The following RIOX2 variants were observed in gnomAD, a reference collection of about 807,000 sequenced individuals.
RIOX2 encodes ribosomal oxygenase 2.
RIOX2 carries 43 observed loss-of-function variants against 51.2 expected under a neutral mutation model. The observed-to-expected ratio is 0.84, with a 90% CI of 0.66 to 1.08. The LOEUF (loss-of-function observed/expected upper bound fraction) is 1.08. RIOX2 is among the 50% of genes least tolerant of loss of function. RIOX2 has a pLI of 0.00. For missense variants in RIOX2, 566 were observed against 561.7 expected, an observed-to-expected ratio of 1.01 and a Z score of -0.08; for synonymous variants, 226 against 218.5, an observed-to-expected ratio of 1.03 and a Z score of -0.30.
At chr3:97,962,231 G>C (rs566257393) in intron 2 of RIOX2, among the ~76,000 whole-genome samples, 6 of 152,058 alleles carry the variant, frequency 3.9e-5, no homozygotes, top group African/African-American at 1.4e-4. Context: ...AATACTCTTG[G>C]GTTTTTGACT....
chr3:97,957,377 T>A (rs113570907), intron 4 of RIOX2, among the ~76,000 whole-genome samples: 59 of 151,704 alleles, frequency 3.9e-4, no homozygotes, highest in African/African-American at 1.4e-3. Context: ...GCAGCTGTAA[T>A]CCCAGCTACT....
intron 5 of RIOX2, chr3:97,952,242 C>T (rs993168019): frequency 7.8e-7 from 1 of 1,289,616 alleles, no homozygotes; most frequent in Admixed American, 2.3e-5. Context: ...CTCATTCTAG[C>T]TCCAGCATCA....
rs569164328 is a variant in RIOX2 at position 97,957,803 on chromosome 3, A to G, written c.681+1248T>C. 2.0e-3 allele frequency among the ~76,000 whole-genome samples: 310 copies of G among 152,342 alleles called. 2 individuals are homozygous for G. The highest frequency in any genetic ancestry group is 3.4e-3 in the Middle Eastern group (1 of 294). Reference sequence around the variant, plus strand: ...TAACCAACCGTGAATCTATGTAAACATGATGCAACAAAGCTGGCAACCTCT... The same window carrying G: ...TAACCAACCGTGAATCTATGTAAACGTGATGCAACAAAGCTGGCAACCTCT... On this transcript the variant is annotated intron_variant, in intron 4 of 9. Transcript: ENST00000394198.
chr3:97,946,686 T>C (rs961235415), intron 8 of RIOX2, among the ~76,000 whole-genome samples: 1 of 150,664 alleles, frequency 6.6e-6, no homozygotes, highest in Non-Finnish European at 1.5e-5. Flanking sequence ...ACATGTTGAG[T>C]GCCCCTCTCA....
intron 5 of RIOX2, chr3:97,952,020 TC>T (rs1032548164): frequency 1.3e-5 from 6 of 475,194 alleles, no homozygotes; most frequent in Non-Finnish European, 2.0e-5. Flanking sequence ...TATTGGGACT[TC>T]CCACAATTTA....
chr3:97,960,688 C>T (rs1328571230), intron 3 of RIOX2, among the ~76,000 whole-genome samples: 2 of 152,184 alleles, frequency 1.3e-5, no homozygotes, highest in African/African-American at 2.4e-5. Flanking sequence ...AATCGTGAAT[C>T]CTGACACTGG....
Position 97,942,908 on chromosome 3 carries a change from G to A in RIOX2, c.*2276C>T, listed in dbSNP as rs1484760793. The A allele has an allele frequency of 1.1e-5, 3 of 278,506 alleles. No homozygotes were observed. Among genetic ancestry groups the A allele is most frequent in the South Asian group, 6.4e-5 (1 of 15,570 alleles). 17.3% of individuals were successfully genotyped at this position (278,506 alleles called of 1,614,324 possible). On this transcript the variant is annotated 3_prime_UTR_variant, in exon 10 of 10. Coordinates refer to ENST00000394198, the MANE Select transcript of RIOX2 (RefSeq NM_153182.4). ...TTGGGTTAGTCACAGTTTTGTTGGT[G>A]TAGAAACAAAAACACAGTACCTGAC...
chr3:97,942,395 G>A lies in RIOX2; in HGVS notation c.*2789C>T, dbSNP rs1192526968. On this transcript the variant is annotated 3_prime_UTR_variant, in exon 10 of 10. Transcript: ENST00000394198. ...GCAGAAGTGGAGACTGAATAAAAAT[G>A]GAACTATCAGCTCTTATCTCAGTGA... is the stretch of plus-strand genomic sequence containing the variant. 4 of 1,611,558 alleles carry A rather than the reference G, an allele frequency of 2.5e-6. No individual in the cohort carries two copies. In the African/African-American group the frequency reaches 5.4e-5, roughly 22 times the overall value.
intron 8 of RIOX2, 65 bp from the exon 9 acceptor site, chr3:97,945,952 A>C: frequency 5.9e-6 from 7 of 1,179,052 alleles, no homozygotes; most frequent in Non-Finnish European, 8.7e-6. Flanking sequence ...CAGTACTAGG[A>C]AGGTTTTCCA....
chr3:97,952,016 G>A (rs999856505), intron 5 of RIOX2: 2 of 466,266 alleles, frequency 4.3e-6, no homozygotes, highest in Admixed American at 4.8e-5. Flanking sequence ...TAGATATTGG[G>A]ACTTCCCACA....
intron 3 of RIOX2, 151 bp from the exon 4 acceptor site, chr3:97,959,330 T>TC (rs1705582991): frequency 2.5e-4 from 177 of 707,802 alleles, no homozygotes; most frequent in Non-Finnish European, 3.2e-4. Flanking sequence ...TTTTTTTTTT[T>TC]AGTTGTTATA....
chr3:97,971,586 A>G (rs1437887773), intron 1 of RIOX2: 1 of 152,260 alleles, frequency 6.6e-6, no homozygotes, highest in Non-Finnish European at 1.5e-5. Flanking sequence ...GAAACGGACT[A>G]TACCTCAATG....
At chr3:97,955,706 G>A (rs952580685) in intron 4 of RIOX2, among the ~76,000 whole-genome samples, 3 of 152,052 alleles carry the variant, frequency 2.0e-5, no homozygotes, top group African/African-American at 4.8e-5. Flanking sequence ...AGACTCTCAG[G>A]TATACAGTCA....
intron 2 of RIOX2, among the ~76,000 whole-genome samples, chr3:97,964,584 T>G (rs1361540692): frequency 2.7e-5 from 4 of 149,968 alleles, no homozygotes; most frequent in African/African-American, 9.8e-5. Context: ...TAATCCCAGC[T>G]ACTCAGGAGG....
intron 3 of RIOX2, among the ~76,000 whole-genome samples, chr3:97,959,928 A>G (rs141464585): frequency 7.2e-4 from 109 of 152,366 alleles, no homozygotes; most frequent in African/African-American, 2.5e-3. Context: ...ATAGCTGAAT[A>G]AAATTAACTT....
chr3:97,964,408 C>T (rs1467528168), intron 2 of RIOX2, among the ~76,000 whole-genome samples: 17 of 151,900 alleles, frequency 1.1e-4, no homozygotes, highest in African/African-American at 2.9e-4. Flanking sequence ...ATGGAGTCCA[C>T]GGCTGGGTGC....
At chr3:97,950,955 AC>A in intron 5 of RIOX2, 67 bp from the exon 6 acceptor site, 2 of 1,137,730 alleles carry the variant, frequency 1.8e-6, no homozygotes, top group Non-Finnish European at 2.6e-6. Flanking sequence ...TACATAAAAT[AC>A]TTATTGCTAG....
At chr3:97,951,090 C>T (rs979598996) in intron 5 of RIOX2, 13 of 519,760 alleles carry the variant, frequency 2.5e-5, no homozygotes, top group African/African-American at 1.3e-4. Context: ...CCTCCCTCCC[C>T]GTTCCAGACA....
chr3:97,968,511 G>A (rs1001872739), intron 1 of RIOX2, among the ~76,000 whole-genome samples: 1 of 152,192 alleles, frequency 6.6e-6, no homozygotes, highest in African/African-American at 2.4e-5. Flanking sequence ...GGTGAAGCCT[G>A]AGGTTCTGCA....
Sources: allele counts gnomAD v4.1 joint callset (sites outside exome capture counted in the v4.1 genomes callset), GRCh38; gene constraint gnomAD v4.1.1; transcripts MANE v1.5; gene names NCBI Gene and HGNC (gene_info 2026-07-23, HGNC 2026-07-21).